LHX8: variants seen among roughly 807,000 people sequenced by gnomAD.
LHX8 encodes LIM homeobox 8.
In LHX8, 12 loss-of-function variants were observed where a neutral mutation model predicts 40.3. That is an observed-to-expected ratio of 0.30 (90% CI 0.19 to 0.48). LHX8 has a LOEUF of 0.48. Ranked by LOEUF, LHX8 falls within the 20% of genes least tolerant of loss-of-function variation. LHX8 has a pLI of 0.99. For synonymous variants in LHX8, 179 were observed against 162.0 expected, an observed-to-expected ratio of 1.10 and a Z score of -0.80; for missense variants, 344 against 433.7, an observed-to-expected ratio of 0.79 and a Z score of 1.84.
the LHX8 span, among the ~76,000 whole-genome samples, chr1:75,183,714 C>T: frequency 2.1e-4 from 32 of 152,102 alleles, no homozygotes; most frequent in Non-Finnish European, 3.8e-4. Context: ...AGCAACCACA[C>T]AAACAAGCCA....
the LHX8 span, among the ~76,000 whole-genome samples, chr1:75,174,040 A>G: frequency 6.6e-6 from 1 of 152,018 alleles, no homozygotes. Context: ...AAAAAAAGTC[A>G]GAAATCTGAA....
chr1:75,195,666 G>T, the LHX8 span, among the ~76,000 whole-genome samples: 1 of 151,794 alleles, frequency 6.6e-6, no homozygotes, highest in African/African-American at 2.4e-5. Context: ...CCCCAGCTTC[G>T]GTCACTCATC....
At chr1:75,183,434 C>T in the LHX8 span, among the ~76,000 whole-genome samples, 2 of 151,934 alleles carry the variant, frequency 1.3e-5, no homozygotes, top group Admixed American at 6.6e-5. Flanking sequence ...AGCTGCTCAG[C>T]GGAAACCTTA....
rs28544543 is a variant in LHX8, at chr1:75,145,044, G to A, written c.684+1096G>A. Among the ~76,000 whole-genome samples, 1,418 of 152,202 alleles carry A rather than the reference G, an allele frequency of 9.3e-3. 30 individuals carry two copies. Among genetic ancestry groups the A allele is most frequent in the African/African-American group, 0.032 (1,338 of 41,556 alleles). ...CATTAAAATCTAGATCCATTCAGAA[G>A]AATTTTCCAAATGGATGATTGTTTC... On this transcript the variant is annotated intron_variant, in intron 6 of 8. Transcript: ENST00000356261.
intron 2 of LHX8, 118 bp downstream of exon 2, chr1:75,136,807 G>A: frequency 1.3e-6 from 1 of 746,498 alleles, no homozygotes; most frequent in Non-Finnish European, 2.2e-6. Flanking sequence ...GCAGCAGACA[G>A]AGGACGGGGC....
chr1:75,148,480 A>T, intron 6 of LHX8, 107 bp from the exon 7 acceptor site: 1 of 781,258 alleles, frequency 1.3e-6, no homozygotes, highest in South Asian at 1.4e-5. Flanking sequence ...AAGTAACAAA[A>T]GTATCCCATG....
At chr1:75,190,567 T>C in the LHX8 span, among the ~76,000 whole-genome samples, 1 of 152,174 alleles carries the variant, frequency 6.6e-6, no homozygotes, top group African/African-American at 2.4e-5. Flanking sequence ...ATTTATCTTG[T>C]CCTAAATAAA....
At chr1:75,130,461 T>G, upstream of LHX8, 1 of 575,052 alleles carries the variant, frequency 1.7e-6, no homozygotes, top group Non-Finnish European at 3.1e-6. Flanking sequence ...CGCCAGTGGA[T>G]TCCCGGGTGT....
rs1472039476 is a variant in LHX8, at chr1:75,161,183, A to AAG, written c.*291_*292dup. The AAG allele has an allele frequency of 1.1e-5, 4 of 350,550 alleles. No homozygotes were observed. Among genetic ancestry groups the AAG allele is most frequent in the Non-Finnish European group, 2.1e-5 (4 of 189,784 alleles). 21.7% of individuals were successfully genotyped at this position (350,550 alleles called of 1,614,324 possible). A position where few individuals can be genotyped will look rare whatever the true frequency, so the allele number is the denominator to read the frequency against. On this transcript the variant is annotated 3_prime_UTR_variant, in exon 9 of 9. Transcript: ENST00000356261. ...TATCTGTTAATTTATTTGTCATCAA[A>AAG]AGAGCACTTTGCCTAAAAGAAAGGA...
At chr1:75,172,921 A>T in the LHX8 span, among the ~76,000 whole-genome samples, 1 of 152,156 alleles carries the variant, frequency 6.6e-6, no homozygotes, top group Non-Finnish European at 1.5e-5. Flanking sequence ...ACTGCTCCCA[A>T]GTCTTCATGA....
In LHX8 at chr1:75,143,298, T is replaced by C; in HGVS notation, c.540T>C (p.Tyr180=). ...AGAAAGTCCTCTGCAGAGTACATTA[T>C]GACTGCATGCTGGATAATTTAAAAA... ...VEEKVLCRVH[Y]DCMLDNLKRE... The change falls in exon 5 of 9, where the codon TAT becomes TAC. Residue 180 remains tyrosine (Y), a synonymous_variant. Transcript: ENST00000356261. The C allele has an allele frequency of 1.2e-6, 2 of 1,613,656 alleles. No individual in the cohort carries two copies. The highest frequency in any genetic ancestry group is 8.5e-7 in the Non-Finnish European group (1 of 1,179,616).
At chr1:75,143,514 A>G (rs1350521190) in intron 5 of LHX8, among the ~76,000 whole-genome samples, 176 bp downstream of exon 5, 1 of 152,146 alleles carries the variant, frequency 6.6e-6, no homozygotes, top group Non-Finnish European at 1.5e-5. Context: ...AAGGAAAGCC[A>G]TGGTGTATGT....
At chr1:75,150,272 G>C (rs891308820) in intron 7 of LHX8, among the ~76,000 whole-genome samples, 4 of 152,190 alleles carry the variant, frequency 2.6e-5, no homozygotes, top group African/African-American at 9.7e-5. Context: ...TCAAGTCAAA[G>C]TAATCTTGGG....
chr1:75,159,024 T>C (rs1259825339), intron 8 of LHX8, among the ~76,000 whole-genome samples: 1 of 152,172 alleles, frequency 6.6e-6, no homozygotes, highest in Non-Finnish European at 1.5e-5. Context: ...CATCTCATGA[T>C]TTAGACTTTT....
chr1:75,188,299 G>A, the LHX8 span, among the ~76,000 whole-genome samples: 1 of 152,092 alleles, frequency 6.6e-6, no homozygotes, highest in South Asian at 2.1e-4. Flanking sequence ...GGAGTCAAAT[G>A]TCAACTTTAG....
At chr1:75,140,355 A>G (rs982119875) in intron 3 of LHX8, among the ~76,000 whole-genome samples, 1 of 152,148 alleles carries the variant, frequency 6.6e-6, no homozygotes. Context: ...AGTTTTACCA[A>G]TATACTTTTC....
chr1:75,143,016 GT>G, intron 4 of LHX8, 101 bp from the exon 5 acceptor site: 1 of 866,812 alleles, frequency 1.2e-6, no homozygotes, highest in Non-Finnish European at 1.9e-6. Context: ...AAATACTTAG[GT>G]TATTTCAATG....
chr1:75,132,424 G>A (rs1009057659), upstream of LHX8: 2 of 152,262 alleles, frequency 1.3e-5, no homozygotes, highest in African/African-American at 4.8e-5. Flanking sequence ...ATCCCACAAG[G>A]CGCCTGGAGT....
chr1:75,152,050 A>G (rs1648626707), intron 7 of LHX8, among the ~76,000 whole-genome samples: 1 of 152,258 alleles, frequency 6.6e-6, no homozygotes, highest in South Asian at 2.1e-4. Context: ...GTATCTATAC[A>G]TAGGCTCACT....
Sources: allele counts gnomAD v4.1 joint callset (sites outside exome capture counted in the v4.1 genomes callset), GRCh38; gene constraint gnomAD v4.1.1; transcripts MANE v1.5; gene names NCBI Gene and HGNC (gene_info 2026-07-23, HGNC 2026-07-21).